Variants in XKR4 observed in about 807,000 individuals in gnomAD.
The protein encoded by XKR4 is XK-related protein 4.
XKR4 carries 12 observed loss-of-function variants against 53.9 expected under a neutral mutation model. The ratio of observed to expected loss-of-function variants is 0.22; its 90% CI spans 0.14 to 0.36. XKR4 has a LOEUF of 0.36. Ranked by LOEUF, XKR4 falls within the 10% of genes least tolerant of loss-of-function variation. The probability of loss-of-function intolerance (pLI) is 1.00; values close to 1 mark genes in which losing one functional copy is unlikely to be tolerated. For synonymous variants in XKR4, 354 were observed against 362.4 expected (o/e 0.98, Z 0.26); for missense variants, 799 against 859.5 (o/e 0.93, Z 0.88).
chr8:55,453,649 GC>G, intron 2 of XKR4: 1 of 421,696 alleles, frequency 2.4e-6, no homozygotes, highest in Non-Finnish European at 4.6e-6. Flanking sequence ...ACTGCATGGC[GC>G]CCTCATCCAG....
chr8:55,470,267 T>C (rs1805860179), intron 2 of XKR4, among the ~76,000 whole-genome samples: 2 of 152,144 alleles, frequency 1.3e-5, no homozygotes, highest in South Asian at 2.1e-4. Flanking sequence ...CGAGGTGATA[T>C]GGTTTTTGGC....
At chr8:55,206,124 G>A (rs191765372) in intron 1 of XKR4, among the ~76,000 whole-genome samples, 5 of 152,310 alleles carry the variant, frequency 3.3e-5, no homozygotes, top group South Asian at 2.1e-4. Context: ...AAGGCAGTGC[G>A]GACCCAAAGC....
chr8:55,448,508 A>G (rs1805377066), intron 2 of XKR4, among the ~76,000 whole-genome samples: 1 of 152,252 alleles, frequency 6.6e-6, no homozygotes. Flanking sequence ...TGTCTAGCTC[A>G]TAAGTGAGAT....
rs74988541 is a variant in XKR4, at chr8:55,454,722, G to A, written c.1007-68559G>A. The A allele has an allele frequency of 2.2e-3, 1,836 of 833,498 alleles. 27 individuals are homozygous for A. In the African/African-American group the frequency reaches 0.027, roughly 12 times the overall value. The allele number at this position is 833,498 out of a possible 1,614,324, so 51.6% of individuals were successfully genotyped here. A position where few individuals can be genotyped will look rare whatever the true frequency, so the allele number is the denominator to read the frequency against. On this transcript the variant is annotated intron_variant, in intron 2 of 2. Transcript: ENST00000327381. ...CGTGGACGGCATAGATGAGGCCGAGGCTGTTCCTGAACACCTCCGCATGGT... is the reference window on the plus strand; with the variant it reads ...CGTGGACGGCATAGATGAGGCCGAGACTGTTCCTGAACACCTCCGCATGGT...
intron 2 of XKR4, among the ~76,000 whole-genome samples, chr8:55,519,628 C>T (rs909824034): frequency 2.6e-5 from 4 of 152,124 alleles, no homozygotes; most frequent in Admixed American, 2.6e-4. Context: ...AGACTTGATC[C>T]TGTATAGGGG....
At chr8:55,308,149 A>G (rs1356180200) in intron 1 of XKR4, among the ~76,000 whole-genome samples, 2 of 152,182 alleles carry the variant, frequency 1.3e-5, no homozygotes, top group Admixed American at 1.3e-4. Flanking sequence ...GTTACTCGGG[A>G]GGCTGAGGCA....
At chr8:55,420,032 C>G (rs994689359) in intron 2 of XKR4, among the ~76,000 whole-genome samples, 3 of 152,116 alleles carry the variant, frequency 2.0e-5, no homozygotes, top group African/African-American at 7.2e-5. Flanking sequence ...TATAAAAAGC[C>G]TTGGTATATT....
chr8:55,219,421 T>C (rs1464001227), intron 1 of XKR4, among the ~76,000 whole-genome samples: 1 of 152,142 alleles, frequency 6.6e-6, no homozygotes, highest in Non-Finnish European at 1.5e-5. Context: ...CACAGGAGCA[T>C]GGCAGGTTGG....
At chr8:55,455,322 T>C (rs1805551100) in intron 2 of XKR4, among the ~76,000 whole-genome samples, 1 of 151,910 alleles carries the variant, frequency 6.6e-6, no homozygotes, top group South Asian at 2.1e-4. Flanking sequence ...CTGGCCCGCC[T>C]GGCTGTTCTT....
At chr8:55,377,330 A>G (rs1306619516) in intron 2 of XKR4, among the ~76,000 whole-genome samples, 9 of 152,168 alleles carry the variant, frequency 5.9e-5, no homozygotes, top group Non-Finnish European at 1.3e-4. Context: ...TGCTGAGACA[A>G]TGTGAAGGGT....
intron 1 of XKR4, among the ~76,000 whole-genome samples, chr8:55,196,685 A>T (rs1817511234): frequency 6.6e-6 from 1 of 152,252 alleles, no homozygotes; most frequent in Admixed American, 6.5e-5. Flanking sequence ...AATTAGCTGA[A>T]TAAAGGAAAG....
At chr8:55,132,082 CATT>C (rs1157757252) in intron 1 of XKR4, among the ~76,000 whole-genome samples, 1 of 152,188 alleles carries the variant, frequency 6.6e-6, no homozygotes, top group Non-Finnish European at 1.5e-5. Flanking sequence ...AGTCAGCAGT[CATT>C]ATAGATGGGC....
intron 2 of XKR4, among the ~76,000 whole-genome samples, chr8:55,358,231 G>A (rs537809398): frequency 2.0e-5 from 3 of 151,934 alleles, no homozygotes; most frequent in Admixed American, 2.0e-4. Flanking sequence ...CTCTCTCTCT[G>A]TCTCTAATAT....
chr8:55,306,528 G>T (rs957621396), intron 1 of XKR4, among the ~76,000 whole-genome samples: 3 of 152,172 alleles, frequency 2.0e-5, no homozygotes, highest in African/African-American at 7.2e-5. Flanking sequence ...GGAAGGCAAG[G>T]AGGAACAAGT....
chr8:55,511,687 A>G (rs1806628277), intron 2 of XKR4, among the ~76,000 whole-genome samples: 1 of 152,242 alleles, frequency 6.6e-6, no homozygotes, highest in South Asian at 2.1e-4. Flanking sequence ...ACTCTATTGC[A>G]TAGGCCTTTA....
At position 55,540,587 on chromosome 8, in the gene XKR4, G is replaced by A. The variant is rs147432144; in HGVS notation, c.*16360G>A. Reference sequence around the variant, plus strand: ...CAGACAGCTCAATAGCCTAGGGAGAGTCGATGAAGGATATGCAAATTACAT... The same window carrying A: ...CAGACAGCTCAATAGCCTAGGGAGAATCGATGAAGGATATGCAAATTACAT... On this transcript the variant is annotated 3_prime_UTR_variant, in exon 3 of 3. Coordinates refer to ENST00000327381, the MANE Select transcript of XKR4 (RefSeq NM_052898.2). 1.3e-5 allele frequency: 2 copies of A among 152,166 alleles called. No homozygotes were observed. Among genetic ancestry groups the A allele is most frequent in the Non-Finnish European group, 1.5e-5 (1 of 68,034 alleles). 9.4% of individuals were successfully genotyped at this position (152,166 alleles called of 1,614,324 possible).
At chr8:55,232,189 G>A (rs1667270228) in intron 1 of XKR4, among the ~76,000 whole-genome samples, 1 of 152,196 alleles carries the variant, frequency 6.6e-6, no homozygotes, top group Non-Finnish European at 1.5e-5. Flanking sequence ...AGGGACCTCT[G>A]GATAGCTCTC....
chr8:55,358,404 GAA>G (rs56089227), intron 2 of XKR4, among the ~76,000 whole-genome samples: 13 of 150,042 alleles, frequency 8.7e-5, no homozygotes, highest in Middle Eastern at 6.8e-3. Context: ...GGTCATAAAG[GAA>G]AAAAAAAATT....
intron 1 of XKR4, among the ~76,000 whole-genome samples, chr8:55,155,523 T>A (rs537082650): frequency 6.7e-6 from 1 of 148,872 alleles, no homozygotes; most frequent in Non-Finnish European, 1.5e-5. Context: ...AATAAAGTGC[T>A]CTTGGGAATT....
Sources: gnomAD v4.1 joint callset for allele counts (sites outside exome capture counted in the v4.1 genomes callset) on GRCh38, gnomAD v4.1.1 for gene constraint, MANE v1.5 for transcripts, NCBI Gene and HGNC (gene_info 2026-07-23, HGNC 2026-07-21) for gene names.